WDR7: variants seen among roughly 807,000 people sequenced by gnomAD.
WDR7 encodes WD repeat-containing protein 7.
WDR7 carries 46 observed loss-of-function variants against 169.4 expected under a neutral mutation model. That is an observed-to-expected ratio of 0.27 (90% CI 0.21 to 0.35). The LOEUF is 0.35. WDR7 is among the 10% of genes least tolerant of loss of function. WDR7 has a pLI of 1.00. For missense variants in WDR7, 1,534 were observed against 1,859.3 expected, an observed-to-expected ratio of 0.83 and a Z score of 3.22; for synonymous variants, 612 against 666.8, an observed-to-expected ratio of 0.92 and a Z score of 1.27.
chr18:56,986,717 A>G (rs941337539), intron 26 of WDR7, among the ~76,000 whole-genome samples: 4 of 151,756 alleles, frequency 2.6e-5, no homozygotes, highest in Non-Finnish European at 4.4e-5. Flanking sequence ...ACAGAACCCA[A>G]TGACGGGGGA....
chr18:56,835,955 TA>T (rs1219759876), intron 20 of WDR7, among the ~76,000 whole-genome samples: 3 of 152,238 alleles, frequency 2.0e-5, no homozygotes, highest in Admixed American at 6.5e-5. Flanking sequence ...ACCTGATGTA[TA>T]AGTGTACTTT....
At chr18:56,748,590 C>T (rs929701383) in intron 14 of WDR7, among the ~76,000 whole-genome samples, 5 of 152,038 alleles carry the variant, frequency 3.3e-5, no homozygotes, top group East Asian at 3.9e-4. Flanking sequence ...TAAATTATAA[C>T]GTAATATGAA....
chr18:56,901,794 A>G (rs2046405777), intron 21 of WDR7, among the ~76,000 whole-genome samples: 1 of 152,154 alleles, frequency 6.6e-6, no homozygotes, highest in African/African-American at 2.4e-5. Context: ...TCTCCAAAAT[A>G]GAAAAGGCAA....
intron 20 of WDR7, among the ~76,000 whole-genome samples, chr18:56,826,984 T>C (rs1430950142): frequency 6.6e-6 from 1 of 152,194 alleles, no homozygotes; most frequent in Non-Finnish European, 1.5e-5. Context: ...AGATGACATA[T>C]ATGTGCATAT....
chr18:56,672,445 A>T (rs1001974589), intron 1 of WDR7, 52 bp from the exon 2 acceptor site: 12 of 1,359,484 alleles, frequency 8.8e-6, no homozygotes, highest in Non-Finnish European at 1.1e-5. Context: ...AATATATAAC[A>T]TGTTTTCGAG....
intron 22 of WDR7, among the ~76,000 whole-genome samples, chr18:56,932,874 G>GGT (rs34838445): frequency 0.034 from 4,507 of 131,930 alleles, 120 homozygotes; most frequent in African/African-American, 0.11. Context: ...CTTCATTCTG[G>GGT]GTGTGTGTGT....
chr18:56,865,210 A>G (rs1261381266), intron 20 of WDR7, among the ~76,000 whole-genome samples: 1 of 152,036 alleles, frequency 6.6e-6, no homozygotes, highest in Non-Finnish European at 1.5e-5. Context: ...AGGAAGAGTG[A>G]ATGATGGCTA....
intron 26 of WDR7, among the ~76,000 whole-genome samples, chr18:57,015,963 G>A (rs897763563): frequency 6.6e-6 from 1 of 152,164 alleles, no homozygotes; most frequent in Non-Finnish European, 1.5e-5. Context: ...CAGGGCATCT[G>A]CCATGCTTGT....
chr18:56,957,693 C>T (rs28617513), intron 25 of WDR7, among the ~76,000 whole-genome samples: 3,790 of 152,140 alleles, frequency 0.025, 153 homozygotes, highest in African/African-American at 0.082. Flanking sequence ...GTTAGCTGCA[C>T]ATAGTAGTAG....
chr18:57,016,443 A>G (rs1290785020), intron 26 of WDR7, among the ~76,000 whole-genome samples: 1 of 152,216 alleles, frequency 6.6e-6, no homozygotes, highest in Non-Finnish European at 1.5e-5. Flanking sequence ...CCTTAAAGAA[A>G]AAAAAATGAT....
At chr18:56,955,739 G>C (rs2047241967) in intron 25 of WDR7, among the ~76,000 whole-genome samples, 2 of 152,026 alleles carry the variant, frequency 1.3e-5, no homozygotes, top group Non-Finnish European at 2.9e-5. Flanking sequence ...CTATGTGTCA[G>C]GCACTGTTTT....
intron 16 of WDR7, among the ~76,000 whole-genome samples, chr18:56,768,291 A>C (rs1453790679): frequency 1.3e-5 from 2 of 152,212 alleles, no homozygotes; most frequent in Non-Finnish European, 2.9e-5. Context: ...CAATAGATTT[A>C]GGAATTTTCA....
intron 20 of WDR7, among the ~76,000 whole-genome samples, chr18:56,871,372 C>T (rs898283617): frequency 7.2e-5 from 11 of 152,130 alleles, no homozygotes; most frequent in African/African-American, 1.2e-4. Flanking sequence ...TTAGTCTCTA[C>T]ATGTTGCCAT....
intron 20 of WDR7, among the ~76,000 whole-genome samples, chr18:56,841,403 G>T (rs961362440): frequency 1.3e-5 from 2 of 151,788 alleles, no homozygotes; most frequent in Admixed American, 6.6e-5. Context: ...AATTAGCTGG[G>T]CGTGGTAGTG....
rs777124907 is a variant in WDR7, at chr18:56,731,523, G to C, written c.1915G>C (p.Ala639Pro). 6.2e-7 allele frequency: 1 copy of C among 1,614,088 alleles called. No individual in the cohort carries two copies. Among genetic ancestry groups the C allele is most frequent in the East Asian group, 2.2e-5 (1 of 44,864 alleles). ...KQAMTRRSLA[A>P]LKNMAHHKLQ... Reference sequence around the variant, plus strand: ...AGCTATGACGAGACGTAGTCTTGCTGCTCTTAAAAATATGGCCCATCATAA... The same window carrying C: ...AGCTATGACGAGACGTAGTCTTGCTCCTCTTAAAAATATGGCCCATCATAA... The change falls in exon 14 of 28, where the codon GCT (alanine) becomes CCT (proline). Residue 639 changes from alanine to proline, a missense_variant. Transcript: ENST00000254442.
At chr18:56,820,538 C>T (rs1231638068) in intron 20 of WDR7, among the ~76,000 whole-genome samples, 1 of 151,812 alleles carries the variant, frequency 6.6e-6, no homozygotes, top group Non-Finnish European at 1.5e-5. Flanking sequence ...TATATATCTT[C>T]CCATTACTCA....
intron 1 of WDR7, among the ~76,000 whole-genome samples, chr18:56,670,321 T>G (rs1356756203): frequency 6.6e-6 from 1 of 152,130 alleles, no homozygotes; most frequent in Non-Finnish European, 1.5e-5. Flanking sequence ...AAAAAATGTT[T>G]TGGGCCATTT....
intron 21 of WDR7, among the ~76,000 whole-genome samples, chr18:56,888,787 G>C (rs1218710516): frequency 1.3e-5 from 2 of 152,112 alleles, no homozygotes; most frequent in African/African-American, 4.8e-5. Context: ...GGCAAGTGTC[G>C]TAAGTCATTT....
chr18:56,694,493 C>T (rs528894152), intron 9 of WDR7, 126 bp from the exon 10 acceptor site: 1 of 813,670 alleles, frequency 1.2e-6, no homozygotes, highest in Non-Finnish European at 1.9e-6. Flanking sequence ...AATAATCATG[C>T]TATAAACACT....
Sources: allele counts gnomAD v4.1 joint callset (sites outside exome capture counted in the v4.1 genomes callset), GRCh38; gene constraint gnomAD v4.1.1; transcripts MANE v1.5; gene names NCBI Gene and HGNC (gene_info 2026-07-23, HGNC 2026-07-21).